Variants in SMAD9 observed in about 807,000 individuals in gnomAD.
The protein encoded by SMAD9 is SMAD family member 9, also known as MAD homolog 9.
Under a neutral mutation model 46.1 loss-of-function variants are expected in SMAD9, and 36 were observed. The observed-to-expected ratio is 0.78, with a 90% CI of 0.60 to 1.03. The LOEUF (loss-of-function observed/expected upper bound fraction) is 1.03. Ranked by LOEUF, SMAD9 falls within the 50% of genes least tolerant of loss-of-function variation. The pLI is 0.00. For missense variants in SMAD9, 572 were observed against 599.8 expected, an observed-to-expected ratio of 0.95 and a Z score of 0.48; for synonymous variants, 245 against 237.1, an observed-to-expected ratio of 1.03 and a Z score of -0.31.
chr13:36,913,049 T>C lies in SMAD9; in HGVS notation c.-187+7067A>G, dbSNP rs530907263. ...AGCTTACTTATAATACCTACTATAC[T>C]GTAAATGCTATGTAAATGGTTTTTA... On this transcript the variant is annotated intron_variant, in intron 1 of 6. Coordinates refer to ENST00000379826, the MANE Select transcript of SMAD9 (RefSeq NM_001127217.3). 8.8e-4 allele frequency among the ~76,000 whole-genome samples: 134 copies of C among 152,340 alleles called. 3 individuals carry two copies. In the South Asian group the frequency reaches 0.027, roughly 30 times the overall value.
rs746955130 is a variant in SMAD9 at position 36,879,299 on chromosome 13, A to G, written c.391T>C (p.Tyr131His). 1.2e-6 allele frequency: 2 copies of G among 1,613,994 alleles called. No individual in the cohort carries two copies. Among genetic ancestry groups the G allele is most frequent in the East Asian group, 2.2e-5 (1 of 44,870 alleles). The part of the protein sequence containing the change: ...QKEVCINPYH[Y>H]RRVETPVLPP... ...CCACCTGGAGTCTCCACCCGGCGGT[A>G]GTGGTAAGGGTTAATGCACACTTCT... Residue 131 changes from tyrosine to histidine, a missense_variant, in exon 2 of 7, where the codon TAC becomes CAC. Tyr to His is a moderately conservative substitution (Grantham distance 83). Transcript: ENST00000379826.
chr13:36,873,052 C>A, intron 2 of SMAD9, 137 bp from the exon 3 acceptor site: 1 of 952,338 alleles, frequency 1.1e-6, no homozygotes, highest in Non-Finnish European at 1.6e-6. Flanking sequence ...TCCCATTAGT[C>A]TTTGTGCTCA....
intron 1 of SMAD9, among the ~76,000 whole-genome samples, chr13:36,892,820 G>GT (rs2058498780): frequency 6.6e-6 from 1 of 152,142 alleles, no homozygotes; most frequent in South Asian, 2.1e-4. Context: ...GAGAAAATGT[G>GT]AAGACATTCT....
At chr13:36,878,159 A>G (rs566491062) in intron 2 of SMAD9, among the ~76,000 whole-genome samples, 1 of 150,068 alleles carries the variant, frequency 6.7e-6, no homozygotes, top group African/African-American at 2.5e-5. Flanking sequence ...TCTTACACAC[A>G]TATATATAAT....
chr13:36,888,162 C>T lies in SMAD9; in HGVS notation c.-186-8287G>A, dbSNP rs564486373. Among the ~76,000 whole-genome samples, 60 of 152,260 alleles carry T rather than the reference C, an allele frequency of 3.9e-4. 1 individual carries two copies. In the South Asian group the frequency reaches 8.5e-3, roughly 22 times the overall value. On this transcript the variant is annotated intron_variant, in intron 1 of 6. Transcript: ENST00000379826. ...GTTACGGTTATGGTTTGGCTCTGTG[C>T]CCCCGCCCAAATCTCATCTTGAACT...
chr13:36,901,064 G>A (rs2058571803), intron 1 of SMAD9, among the ~76,000 whole-genome samples: 1 of 152,184 alleles, frequency 6.6e-6, no homozygotes, highest in African/African-American at 2.4e-5. Context: ...GTGTTTGTGT[G>A]TGTATAAACA....
rs916603958 is a variant in SMAD9 at position 36,908,987 on chromosome 13, T to C, written c.-187+11129A>G. The stretch of plus-strand genomic sequence containing the variant: ...AAGCAGATGTCACTGGAATTTATAC[T>C]TAATAAGCCACTTGGGAAGCCTTGG... On this transcript the variant is annotated intron_variant, in intron 1 of 6. Transcript: ENST00000379826. Among the ~76,000 whole-genome samples the C allele has an allele frequency of 3.3e-5, 5 of 152,366 alleles. No homozygotes were observed. The East Asian group carries it at 9.6e-4, about 29-fold the overall frequency.
chr13:36,882,227 C>CTCTG (rs2058409155), intron 1 of SMAD9, among the ~76,000 whole-genome samples: 1 of 149,324 alleles, frequency 6.7e-6, no homozygotes, highest in Non-Finnish European at 1.5e-5. Context: ...CAGGTATGTG[C>CTCTG]TGTGTGTGTG....
chr13:36,845,721 T>C lies in SMAD9; in HGVS notation c.*2955A>G, dbSNP rs2058034679. The C allele has an allele frequency of 6.6e-6, 1 of 152,146 alleles. No individual in the cohort carries two copies. The highest frequency in any genetic ancestry group is 1.5e-5 in the Non-Finnish European group (1 of 68,044). 9.4% of individuals were successfully genotyped at this position (152,146 alleles called of 1,614,324 possible). On this transcript the variant is annotated 3_prime_UTR_variant, in exon 7 of 7. Coordinates refer to ENST00000379826, the MANE Select transcript of SMAD9 (RefSeq NM_001127217.3). ...ATACTGCATTTATTTTTTGAAACTC[T>C]TGGTAGCAAAAGAAAAAGCTGATTA...
At chr13:36,874,468 A>G (rs749407350) in intron 2 of SMAD9, among the ~76,000 whole-genome samples, 1 of 152,206 alleles carries the variant, frequency 6.6e-6, no homozygotes. Context: ...CGAATTCCAC[A>G]ATGGAAACCA....
At chr13:36,878,622 T>A (rs1368543507) in intron 2 of SMAD9, among the ~76,000 whole-genome samples, 2 of 152,234 alleles carry the variant, frequency 1.3e-5, no homozygotes, top group African/African-American at 4.8e-5. Context: ...AACTCTTTCA[T>A]TGGCTGTTTT....
At chr13:36,870,534 A>C (rs560023452) in intron 3 of SMAD9, among the ~76,000 whole-genome samples, 1 of 143,592 alleles carries the variant, frequency 7.0e-6, no homozygotes, top group East Asian at 1.9e-4. Flanking sequence ...AACTCCTTAT[A>C]ATCACTTGCC....
upstream of SMAD9, among the ~76,000 whole-genome samples, chr13:36,920,432 C>G (rs1403383340): frequency 6.6e-6 from 1 of 151,580 alleles, no homozygotes; most frequent in East Asian, 1.9e-4. Flanking sequence ...AAACTCGCGG[C>G]GCGGGGGTGG....
intron 1 of SMAD9, among the ~76,000 whole-genome samples, chr13:36,885,767 TGCACAAATACTGAGTTTTTCTAAG>T (rs2138539801): frequency 6.6e-6 from 1 of 152,074 alleles, no homozygotes; most frequent in South Asian, 2.1e-4. Flanking sequence ...TTTGGGTGAT[TGCACAAATACTGAGTTTTTCTAAG>T]GCAACAGTCC....
chr13:36,869,746 T>C (rs866178895), intron 3 of SMAD9, among the ~76,000 whole-genome samples: 7 of 152,038 alleles, frequency 4.6e-5, no homozygotes, highest in African/African-American at 1.7e-4. Flanking sequence ...GGAGAATGGC[T>C]TGTACCTGGG....
chr13:36,858,899 A>T (rs1040709142), intron 5 of SMAD9, among the ~76,000 whole-genome samples: 1 of 152,120 alleles, frequency 6.6e-6, no homozygotes, highest in African/African-American at 2.4e-5. Flanking sequence ...TTTTGTAGTG[A>T]CAGGGTCTCA....
At chr13:36,877,813 G>T (rs2058360171) in intron 2 of SMAD9, among the ~76,000 whole-genome samples, 1 of 152,114 alleles carries the variant, frequency 6.6e-6, no homozygotes, top group Non-Finnish European at 1.5e-5. Context: ...TTAAGTTCTG[G>T]GAGCTTGAAG....
chr13:36,882,105 A>C (rs525598), intron 1 of SMAD9, among the ~76,000 whole-genome samples: 88,495 of 151,386 alleles, frequency 0.58, 26,700 homozygotes, highest in African/African-American at 0.73. Context: ...GAAATCAATG[A>C]ATTGGAACAA....
rs2058174796 is a variant in SMAD9, at chr13:36,860,866, AG to A, written c.1003+4670del. On this transcript the variant is annotated intron_variant, in intron 5 of 6. Transcript: ENST00000379826. ...GTTCAAGTGGTCTGCCTAGTTTCTA[AG>A]GAAGAATATGGATAGATCCCACACT... Among the ~76,000 whole-genome samples the A allele has an allele frequency of 5.9e-5, 9 of 152,248 alleles. No homozygotes were observed. In the South Asian group the frequency reaches 1.9e-3, roughly 32 times the overall value.
Sources: allele counts gnomAD v4.1 joint callset (sites outside exome capture counted in the v4.1 genomes callset), GRCh38; gene constraint gnomAD v4.1.1; transcripts MANE v1.5; gene names NCBI Gene and HGNC (gene_info 2026-07-23, HGNC 2026-07-21).